The following GPT variants were observed in gnomAD, a reference collection of about 807,000 sequenced individuals.
GPT encodes the protein alanine aminotransferase 1.
A neutral mutation model predicts 51.4 loss-of-function variants in GPT; 60 were observed. That is an observed-to-expected ratio of 1.17 (90% confidence interval 0.95 to 1.45). The LOEUF (loss-of-function observed/expected upper bound fraction) is 1.45, where lower values mean the gene tolerates loss of function less well. Ranked by LOEUF, GPT falls within the 40% of genes most tolerant of loss-of-function variation. GPT has a pLI of 0.00. For synonymous variants in GPT, 397 were observed against 303.1 expected, an observed-to-expected ratio of 1.31 and a Z score of -3.22; for missense variants, 853 against 704.0, an observed-to-expected ratio of 1.21 and a Z score of -2.40.
At chr8:144,504,966 T>C (rs1256230471) in intron 3 of GPT, 32 bp from the exon 4 acceptor site, 2 of 1,612,836 alleles carry the variant, frequency 1.2e-6, no homozygotes, top group East Asian at 4.5e-5. Context: ...GAACTTCACC[T>C]GTACTTCCCA....
In GPT at chr8:144,506,340, G is replaced by A; in HGVS notation, c.1065G>A (p.Gln355=). ...GGCTGTGCCCGCCGGTGCCAGGACAGGCCCTGCTGGACCTGGTGGTCAGCC... is the reference window on the plus strand; with the variant it reads ...GGCTGTGCCCGCCGGTGCCAGGACAAGCCCTGCTGGACCTGGTGGTCAGCC... The part of the protein sequence containing the change: ...SVRLCPPVPG[Q]ALLDLVVSPP... Residue 355 remains glutamine, a synonymous_variant, in exon 8 of 11, where the codon CAG becomes CAA. Transcript: ENST00000394955. This position sits in a 1 kb window ranked among gnomAD's most constrained non-coding sequence, Gnocchi z 7.0. 1 of 1,579,124 alleles carries A rather than the reference G, an allele frequency of 6.3e-7. No individual in the cohort carries two copies. Among genetic ancestry groups the A allele is most frequent in the Non-Finnish European group, 8.6e-7 (1 of 1,166,488 alleles).
Position 144,505,941 on chromosome 8 carries a change from G to C in GPT, c.819+14G>C. The C allele has an allele frequency of 6.2e-7, 1 of 1,611,398 alleles. No homozygotes were observed. Among genetic ancestry groups the C allele is most frequent in the Non-Finnish European group, 8.5e-7 (1 of 1,179,384 alleles). On this transcript the variant is annotated intron_variant, in intron 6 of 10. Transcript: ENST00000394955. Reference sequence around the variant, plus strand: ...CTGGCGGACGAGGTGCGCGGCGCGGGGGAGCGGGAAGCCGGGCAACAGTCC... The same window carrying C: ...CTGGCGGACGAGGTGCGCGGCGCGGCGGAGCGGGAAGCCGGGCAACAGTCC...
rs762764568 is a variant in GPT, at chr8:144,504,399, G to A, written c.95G>A (p.Arg32Lys). 1.4e-5 allele frequency: 23 copies of A among 1,611,792 alleles called. No individual in the cohort carries two copies. The South Asian group carries it at 2.5e-4, about 18-fold the overall frequency. ...GACGGCATGAACCCGCGTGTGCGGAGAGTGGAGTACGCAGTGCGTGGCCCC... is the reference window on the plus strand; with the variant it reads ...GACGGCATGAACCCGCGTGTGCGGAAAGTGGAGTACGCAGTGCGTGGCCCC... ...TLDGMNPRVR[R>K]VEYAVRGPIV... Residue 32 changes from arginine to lysine, a missense_variant, in exon 1 of 11, where the codon AGA becomes AAA. Coordinates refer to ENST00000394955, the MANE Select transcript of GPT (RefSeq NM_005309.3).
In GPT at chr8:144,505,304, C is replaced by A; in HGVS notation, c.554C>A (p.Pro185His). ...EGHTRTGVLI[P>H]IPQYPLYSAT... ...CACACACGCACGGGTGTGCTCATCC[C>A]CATCCCCCAGTACCCACTCTACTCG... Residue 185 changes from proline (P) to histidine (H), a missense_variant, in exon 5 of 11, where the codon CCC becomes CAC. Coordinates refer to ENST00000394955, the MANE Select transcript of GPT (RefSeq NM_005309.3). 6.4e-7 allele frequency: 1 copy of A among 1,572,426 alleles called. No individual in the cohort carries two copies.
upstream of GPT, chr8:144,504,040 C>T (rs1223588256): frequency 1.3e-5 from 7 of 553,180 alleles, no homozygotes; most frequent in Non-Finnish European, 2.3e-5. Flanking sequence ...CCGCCTGCCA[C>T]CTCACCCACT....
chr8:144,505,193 G>A (rs1299647220), intron 4 of GPT, 53 bp from the exon 5 acceptor site: 1 of 1,612,444 alleles, frequency 6.2e-7, no homozygotes. Flanking sequence ...CAGGGTGGGG[G>A]ACAGGTGCGG....
At position 144,506,420 on chromosome 8, in the gene GPT, A is replaced by C. The variant is rs1826811092; in HGVS notation, c.1131+14A>C. 1 of 1,560,970 alleles carries C rather than the reference A, an allele frequency of 6.4e-7. No homozygotes were observed. The highest frequency in any genetic ancestry group is 1.4e-5 in the African/African-American group (1 of 73,996). On this transcript the variant is annotated intron_variant, in intron 8 of 10. Transcript: ENST00000394955. The surrounding 1 kb of genome is among the most constrained non-coding windows in gnomAD (Gnocchi z 7.0). ...CAGTTCCAGGCTGTGAGTTGGGGGC[A>C]GGAGGGGGTCCAGGTGACCTAATCA...
chr8:144,504,811 C>G lies in GPT; in HGVS notation c.293C>G (p.Pro98Arg). Residue 98 changes from proline to arginine, a missense_variant, in exon 3 of 11, where the codon CCC becomes CGC. Pro to Arg is a moderately radical substitution (Grantham distance 103). Transcript: ENST00000394955. ...LCVNPDLLSS[P>R]NFPDDAKKRA... ...GTTAACCCTGATCTTCTGAGCAGCC[C>G]CAACTTCCCTGACGATGCCAAGAAA... 6.2e-7 allele frequency: 1 copy of G among 1,613,760 alleles called. No homozygotes were observed. The highest frequency in any genetic ancestry group is 8.5e-7 in the Non-Finnish European group (1 of 1,180,016).
upstream of GPT, among the ~76,000 whole-genome samples, chr8:144,503,521 G>A (rs80017057): frequency 0.01 from 1,569 of 152,210 alleles, 65 homozygotes; most frequent in Admixed American, 0.081. Flanking sequence ...CTCAGGGCTG[G>A]ACTGCCTGGC....
chr8:144,504,515 G>A (rs745306268), intron 1 of GPT, 49 bp downstream of exon 1: 21 of 1,608,296 alleles, frequency 1.3e-5, no homozygotes, highest in Admixed American at 1.7e-5. Flanking sequence ...TGGGGTGGCC[G>A]AGTTGGCCCC....
chr8:144,503,105 AG>A (rs1826611637), upstream of GPT: 2 of 152,408 alleles, frequency 1.3e-5, no homozygotes, highest in South Asian at 4.1e-4. Context: ...CTGTTGTGGC[AG>A]CGGAACAGAG....
At chr8:144,505,973 G>A (rs767769469) in intron 6 of GPT, 22 bp from the exon 7 acceptor site, 2 of 1,612,128 alleles carry the variant, frequency 1.2e-6, no homozygotes, top group South Asian at 2.2e-5. Context: ...GTCCGCCCCC[G>A]TGACGCCTTG....
At position 144,505,073 on chromosome 8, in the gene GPT, G is replaced by A. The variant is rs775213760; in HGVS notation, c.437G>A (p.Gly146Asp). 3.1e-6 allele frequency: 5 copies of A among 1,613,162 alleles called. No individual in the cohort carries two copies. Among genetic ancestry groups the A allele is most frequent in the Non-Finnish European group, 4.2e-6 (5 of 1,180,002 alleles). Residue 146 changes from glycine (G) to aspartate (D), a missense_variant, in exon 4 of 11, where the codon GGC becomes GAC. Transcript: ENST00000394955. ...CGGTACATTGAGAGGCGTGACGGAGGCATCCCTGCGGACCCCAACAACGTC... is the reference window on the plus strand; with the variant it reads ...CGGTACATTGAGAGGCGTGACGGAGACATCCCTGCGGACCCCAACAACGTC... Reference protein sequence around the residue: ...VARYIERRDGGIPADPNNVFL... With the variant: ...VARYIERRDGDIPADPNNVFL...
In GPT at chr8:144,504,635, G is replaced by A. The variant is rs138238489; in HGVS notation, c.194G>A (p.Arg65His). 5.4e-4 allele frequency: 864 copies of A among 1,613,268 alleles called. No homozygotes were observed. Among genetic ancestry groups the A allele is most frequent in the Middle Eastern group, 8.2e-4 (5 of 6,062 alleles). Residue 65 changes from arginine (R) to histidine (H), a missense_variant, in exon 2 of 11, where the codon CGT becomes CAT. Coordinates refer to ENST00000394955, the MANE Select transcript of GPT (RefSeq NM_005309.3). ...AAGAAGCCTTTCACCGAGGTCATCCGTGCCAACATCGGGGACGCACAGGCT... is the reference window on the plus strand; with the variant it reads ...AAGAAGCCTTTCACCGAGGTCATCCATGCCAACATCGGGGACGCACAGGCT... ...GVKKPFTEVI[R>H]ANIGDAQAMG...
rs1206634979 is a variant in GPT at position 144,507,030 on chromosome 8, C to T, written c.*30C>T. ...CCCAGCTGGGGCCAGGCTGGGTCGC[C>T]CTGGACTGTGTGCTCAGGAGCCCTG... is the stretch of plus-strand genomic sequence containing the variant. On this transcript the variant is annotated 3_prime_UTR_variant, in exon 11 of 11. Coordinates refer to ENST00000394955, the MANE Select transcript of GPT (RefSeq NM_005309.3). The T allele has an allele frequency of 1.4e-6, 2 of 1,440,926 alleles. No homozygotes were observed. The highest frequency in any genetic ancestry group is 1.9e-6 in the Non-Finnish European group (2 of 1,054,360). 89.3% of individuals were successfully genotyped at this position (1,440,926 alleles called of 1,614,324 possible). A position where few individuals can be genotyped will look rare whatever the true frequency, so the allele number is the denominator to read the frequency against.
chr8:144,505,861 C>T lies in GPT; in HGVS notation c.753C>T (p.Thr251=), dbSNP rs959198953. The T allele has an allele frequency of 1.3e-6, 2 of 1,552,236 alleles. No individual in the cohort carries two copies. Among genetic ancestry groups the T allele is most frequent in the Admixed American group, 1.9e-5 (1 of 51,444 alleles). The change falls in exon 6 of 11, where the codon ACC becomes ACT. Residue 251 remains threonine (T), a synonymous_variant. Coordinates refer to ENST00000394955, the MANE Select transcript of GPT (RefSeq NM_005309.3). ...CCGGCACCCCAGGGCAGGTGCAGAC[C>T]CGCGAGTGCATCGAGGCCGTGATCC... ...NPGNPTGQVQ[T]RECIEAVIRF...
Position 144,506,695 on chromosome 8 carries a change from G to GC in GPT, c.1288-34dup. Reference sequence around the variant, plus strand: ...GGGGCCTGCGGGGTGGGCAGGGGGGGCCGGGCATCCCTCTCTGACGGCTCT... The same window carrying GC: ...GGGGCCTGCGGGGTGGGCAGGGGGGGCCCGGGCATCCCTCTCTGACGGCTCT... On this transcript the variant is annotated intron_variant, in intron 9 of 10. Coordinates refer to ENST00000394955, the MANE Select transcript of GPT (RefSeq NM_005309.3). This position sits in a 1 kb window ranked among gnomAD's most constrained non-coding sequence, Gnocchi z 7.0. 7.3e-6 allele frequency: 11 copies of GC among 1,498,146 alleles called. No individual in the cohort carries two copies. The highest frequency in any genetic ancestry group is 1.0e-5 in the Non-Finnish European group (11 of 1,082,266). 92.8% of individuals were successfully genotyped at this position (1,498,146 alleles called of 1,614,324 possible).
rs764467729 is a variant in GPT, at chr8:144,504,310, C to G, written c.6C>G (p.Ala2=). The G allele has an allele frequency of 3.1e-6, 5 of 1,608,766 alleles. No homozygotes were observed. The highest frequency in any genetic ancestry group is 4.2e-6 in the Non-Finnish European group (5 of 1,179,840). Reference sequence around the variant, plus strand: ...CGCCTGGTCTGGGTAGAGTCATGGCCTCGAGCACAGGTGACCGGAGCCAGG... The same window carrying G: ...CGCCTGGTCTGGGTAGAGTCATGGCGTCGAGCACAGGTGACCGGAGCCAGG... M[A]SSTGDRSQAV... The change falls in exon 1 of 11, where the codon GCC becomes GCG. Residue 2 remains alanine (A), a synonymous_variant. Transcript: ENST00000394955.
In GPT at chr8:144,506,365, C is replaced by T; in HGVS notation, c.1090C>T (p.Pro364Ser). The change falls in exon 8 of 11, where the codon CCG (proline) becomes TCG (serine). Residue 364 changes from proline (P) to serine (S), a missense_variant. Physicochemically the swap from Pro to Ser is moderately conservative, Grantham distance 74. Coordinates refer to ENST00000394955, the MANE Select transcript of GPT (RefSeq NM_005309.3). The surrounding 1 kb of genome is among the most constrained non-coding windows in gnomAD (Gnocchi z 7.0). ...GQALLDLVVSPPAPTDPSFAQ... is the reference protein window; with the variant it reads ...GQALLDLVVSSPAPTDPSFAQ... ...GGCCCTGCTGGACCTGGTGGTCAGCCCGCCCGCGCCCACCGACCCCTCCTT... is the reference window on the plus strand; with the variant it reads ...GGCCCTGCTGGACCTGGTGGTCAGCTCGCCCGCGCCCACCGACCCCTCCTT... 2.6e-6 allele frequency: 4 copies of T among 1,563,736 alleles called. No individual in the cohort carries two copies. Among genetic ancestry groups the T allele is most frequent in the Non-Finnish European group, 3.5e-6 (4 of 1,158,542 alleles).
Sources: allele counts gnomAD v4.1 joint callset (sites outside exome capture counted in the v4.1 genomes callset), GRCh38; gene constraint gnomAD v4.1.1; non-coding constraint Gnocchi (gnomAD v3.1); transcripts MANE v1.5; gene names NCBI Gene and HGNC (gene_info 2026-07-23, HGNC 2026-07-21).